SPINK8: variants seen among roughly 807,000 people sequenced by gnomAD.
The protein encoded by SPINK8 is serine peptidase inhibitor Kazal type 8 (putative).
A neutral mutation model predicts 14.4 loss-of-function variants in SPINK8; 12 were observed. The ratio of observed to expected loss-of-function variants is 0.83; its 90% CI spans 0.53 to 1.35. The LOEUF is 1.35. Ranked by LOEUF, SPINK8 falls within the 40% of genes most tolerant of loss-of-function variation. The probability of loss-of-function intolerance (pLI) is 0.00; values close to 1 mark genes in which losing one functional copy is unlikely to be tolerated. For missense variants in SPINK8, 103 were observed against 117.0 expected (o/e 0.88, Z 0.55); for synonymous variants, 32 against 37.6 (o/e 0.85, Z 0.55).
At chr3:48,312,045 G>A (rs369226677) in intron 6 of SPINK8, among the ~76,000 whole-genome samples, 3 of 151,390 alleles carry the variant, frequency 2.0e-5, no homozygotes, top group African/African-American at 7.3e-5. Flanking sequence ...GAGGCAGGAG[G>A]ATTGTGTGGG....
intron 6 of SPINK8, chr3:48,316,469 G>A (rs2035994927): frequency 6.4e-6 from 1 of 155,080 alleles, no homozygotes; most frequent in Non-Finnish European, 1.5e-5. Context: ...TCAAAATGCT[G>A]AAAGAAAATG....
chr3:48,319,898 C>T (rs1373126418), intron 5 of SPINK8, among the ~76,000 whole-genome samples: 2 of 152,048 alleles, frequency 1.3e-5, no homozygotes, highest in Non-Finnish European at 2.9e-5. Flanking sequence ...AATCCCAGCA[C>T]TTTGGGAGTC....
Sources: allele counts gnomAD v4.1 joint callset (sites outside exome capture counted in the v4.1 genomes callset), GRCh38; gene constraint gnomAD v4.1.1; transcripts MANE v1.5; gene names NCBI Gene and HGNC (gene_info 2026-07-23, HGNC 2026-07-21).